MAP3K9: variants seen among roughly 807,000 people sequenced by gnomAD.
MAP3K9 encodes the protein mitogen-activated protein kinase kinase kinase 9, also known as mixed lineage kinase 1 (tyr and ser/thr specificity).
In MAP3K9, 46 loss-of-function variants were observed where a neutral mutation model predicts 95.8. That is an observed-to-expected ratio of 0.48 (90% confidence interval 0.38 to 0.61). MAP3K9 has a LOEUF of 0.61. Among genes scored for constraint, MAP3K9 ranks in the 20% least tolerant of loss-of-function variants. MAP3K9 has a pLI of 0.00. For missense variants in MAP3K9, 1,296 were observed against 1,474.3 expected, an observed-to-expected ratio of 0.88 and a Z score of 1.98; for synonymous variants, 533 against 593.8, an observed-to-expected ratio of 0.90 and a Z score of 1.49.
Position 70,729,593 on chromosome 14 carries a change from T to C in MAP3K9, c.*787A>G, listed in dbSNP as rs1289101234. 3.9e-5 allele frequency: 6 copies of C among 152,222 alleles called. No individual in the cohort carries two copies. Among genetic ancestry groups the C allele is most frequent in the African/African-American group, 1.4e-4 (6 of 41,442 alleles). 9.4% of individuals were successfully genotyped at this position (152,222 alleles called of 1,614,324 possible). On this transcript the variant is annotated 3_prime_UTR_variant, in exon 12 of 12. Coordinates refer to ENST00000554752, the MANE Select transcript of MAP3K9 (RefSeq NM_001284230.2). ...TCCTGACCCCAAGTAGCTAGATGGG[T>C]ACCCTCAATACTTGCTGGTTTGCCC...
chr14:70,749,881 G>A, intron 4 of MAP3K9, 52 bp downstream of exon 4: 2 of 1,609,462 alleles, frequency 1.2e-6, no homozygotes, highest in South Asian at 1.1e-5. Flanking sequence ...TCTACCCAGT[G>A]CTTACAAGAG....
At position 70,725,418 on chromosome 14, in the gene MAP3K9, C is replaced by A. The variant is rs561252216; in HGVS notation, c.*4962G>T. The A allele has an allele frequency of 3.4e-4, 52 of 152,360 alleles. No individual in the cohort carries two copies. The highest frequency in any genetic ancestry group is 1.2e-3 in the African/African-American group (51 of 41,586). 9.4% of individuals were successfully genotyped at this position (152,360 alleles called of 1,614,324 possible). A position where few individuals can be genotyped will look rare whatever the true frequency, so the allele number is the denominator to read the frequency against. On this transcript the variant is annotated 3_prime_UTR_variant, in exon 12 of 12. Coordinates refer to ENST00000554752, the MANE Select transcript of MAP3K9 (RefSeq NM_001284230.2). ...TAAGAGACTCACCTGGCCTGCACGG[C>A]TAACCATAAGTCCCGGGCTGAGTCA...
intron 2 of MAP3K9, chr14:70,783,539 G>A (rs545028737): frequency 1.3e-4 from 43 of 319,986 alleles, no homozygotes; most frequent in South Asian, 1.2e-3. Flanking sequence ...TTCTCTTTGT[G>A]AGGTGGGCGA....
At chr14:70,748,394 G>C (rs2054179081) in intron 5 of MAP3K9, among the ~76,000 whole-genome samples, 1 of 152,148 alleles carries the variant, frequency 6.6e-6, no homozygotes, top group African/African-American at 2.4e-5. Context: ...CATGAAAAAT[G>C]CCACACAATT....
At chr14:70,800,464 C>T (rs1253882494) in intron 2 of MAP3K9, among the ~76,000 whole-genome samples, 1 of 152,112 alleles carries the variant, frequency 6.6e-6, no homozygotes, top group Non-Finnish European at 1.5e-5. Context: ...TCCCAAACTC[C>T]TCAGGCGCCT....
At chr14:70,733,626 C>G (rs2053944440) in intron 10 of MAP3K9, 1 of 675,398 alleles carries the variant, frequency 1.5e-6, no homozygotes. Context: ...GTGATAGTGA[C>G]TTGGGTATCC....
intron 3 of MAP3K9, among the ~76,000 whole-genome samples, chr14:70,757,048 T>A (rs1252676432): frequency 6.6e-6 from 1 of 152,202 alleles, no homozygotes; most frequent in Non-Finnish European, 1.5e-5. Context: ...ATTAGCTACT[T>A]TACCCTGTAA....
intron 2 of MAP3K9, among the ~76,000 whole-genome samples, chr14:70,795,228 C>G (rs1458824936): frequency 6.6e-6 from 1 of 151,746 alleles, no homozygotes; most frequent in Non-Finnish European, 1.5e-5. Flanking sequence ...GAACTCCTGA[C>G]CTCGTGATCT....
At position 70,771,446 on chromosome 14, in the gene MAP3K9, C is replaced by G. The variant is rs117555022; in HGVS notation, c.821-10264G>C. Reference sequence around the variant, plus strand: ...AGGCATATACGTACTCCTGCTTGTTCCTGCCAAAGCCCAGGGCTTAAACTC... The same window carrying G: ...AGGCATATACGTACTCCTGCTTGTTGCTGCCAAAGCCCAGGGCTTAAACTC... On this transcript the variant is annotated intron_variant, in intron 2 of 11. Transcript: ENST00000554752. Among the ~76,000 whole-genome samples, 41 of 152,162 alleles carry G rather than the reference C, an allele frequency of 2.7e-4. 1 individual carries two copies. The East Asian group carries it at 7.9e-3, about 29-fold the overall frequency.
At chr14:70,796,406 T>C (rs976444408) in intron 2 of MAP3K9, among the ~76,000 whole-genome samples, 5 of 152,228 alleles carry the variant, frequency 3.3e-5, no homozygotes, top group Non-Finnish European at 7.3e-5. Flanking sequence ...TGTTTGGCTG[T>C]ATGATGCTAG....
In MAP3K9 at chr14:70,809,063, C is replaced by T. The variant is rs2055035345; in HGVS notation, c.109G>A (p.Glu37Lys). 7.0e-7 allele frequency: 1 copy of T among 1,436,490 alleles called. No individual in the cohort carries two copies. Among genetic ancestry groups the T allele is most frequent in the African/African-American group, 1.5e-5 (1 of 67,358 alleles). The allele number at this position is 1,436,490 out of a possible 1,614,324, so 89.0% of individuals were successfully genotyped here. Residue 37 changes from glutamate (E) to lysine (K), a missense_variant, in exon 1 of 12, where the codon GAG (glutamate) becomes AAG (lysine). Transcript: ENST00000554752. The part of the protein sequence containing the change: ...AGAEEEEEEE[E>K]EAAAAVGPGE... ...GGGCCCACCGCCGCCGCCGCCTCCT[C>T]CTCCTCCTCCTCCTCCTCCTCGGCC... is the stretch of plus-strand genomic sequence containing the variant.
intron 5 of MAP3K9, among the ~76,000 whole-genome samples, chr14:70,745,357 C>T (rs2054131372): frequency 6.6e-6 from 1 of 152,114 alleles, no homozygotes; most frequent in Non-Finnish European, 1.5e-5. Flanking sequence ...GGAAAGAGAT[C>T]AAGAAATGAA....
chr14:70,739,533 T>C (rs534475484), intron 7 of MAP3K9, among the ~76,000 whole-genome samples: 1 of 150,722 alleles, frequency 6.6e-6, no homozygotes, highest in Admixed American at 6.6e-5. Flanking sequence ...CACACTTACA[T>C]GTATGTGTGA....
chr14:70,795,764 T>A (rs1566766641), intron 2 of MAP3K9, among the ~76,000 whole-genome samples: 1 of 137,304 alleles, frequency 7.3e-6, no homozygotes, highest in African/African-American at 2.6e-5. Flanking sequence ...TTCATTCTTT[T>A]TTCTTTTTTT....
chr14:70,808,719 A>G, intron 1 of MAP3K9, 47 bp downstream of exon 1: 1 of 374,954 alleles, frequency 2.7e-6, no homozygotes, highest in Non-Finnish European at 3.5e-6. Context: ...ACCGCCCCCC[A>G]GGCCTCCGTC....
chr14:70,745,282 G>A (rs557584711), intron 5 of MAP3K9, among the ~76,000 whole-genome samples: 49 of 152,302 alleles, frequency 3.2e-4, no homozygotes, highest in African/African-American at 1.1e-3. Flanking sequence ...AGGGAACCTG[G>A]AGCTAGAAAA....
At chr14:70,753,126 C>A (rs1384075984) in intron 3 of MAP3K9, among the ~76,000 whole-genome samples, 2 of 152,192 alleles carry the variant, frequency 1.3e-5, no homozygotes, top group Non-Finnish European at 2.9e-5. Context: ...CTCTCCAAAC[C>A]TCAGTTTCCT....
In MAP3K9 at chr14:70,739,153, G is replaced by A. The variant is rs183774549; in HGVS notation, c.1691-755C>T. ...ATCTTGGATTTTTCTTTTTTGAGAC[G>A]GAGTCTCACTCTGTCGCCCATGCTG... is the stretch of plus-strand genomic sequence containing the variant. On this transcript the variant is annotated intron_variant, in intron 7 of 11. Coordinates refer to ENST00000554752, the MANE Select transcript of MAP3K9 (RefSeq NM_001284230.2). 5.3e-5 allele frequency among the ~76,000 whole-genome samples: 8 copies of A among 152,040 alleles called. No homozygotes were observed. The South Asian group carries it at 1.0e-3, about 20-fold the overall frequency.
intron 3 of MAP3K9, among the ~76,000 whole-genome samples, chr14:70,755,102 C>T (rs1230489400): frequency 1.3e-5 from 2 of 152,234 alleles, no homozygotes; most frequent in African/African-American, 4.8e-5. Flanking sequence ...GGCGCAGAGG[C>T]CCCCAGCTCT....
Sources: gnomAD v4.1 joint callset for allele counts (sites outside exome capture counted in the v4.1 genomes callset) on GRCh38, gnomAD v4.1.1 for gene constraint, MANE v1.5 for transcripts, NCBI Gene and HGNC (gene_info 2026-07-23, HGNC 2026-07-21) for gene names.